FAM171A1: variants seen among roughly 807,000 people sequenced by gnomAD.
FAM171A1 encodes family with sequence similarity 171 member A1, also known as protein FAM171A1.
A neutral mutation model predicts 74.9 loss-of-function variants in FAM171A1; 23 were observed. The observed-to-expected ratio is 0.31, with a 90% CI of 0.22 to 0.44. The LOEUF is 0.44. Among genes scored for constraint, FAM171A1 ranks in the 20% least tolerant of loss-of-function variants. The probability of loss-of-function intolerance (pLI) is 1.00; values close to 1 mark genes in which losing one functional copy is unlikely to be tolerated. For synonymous variants in FAM171A1, 527 were observed against 505.7 expected (o/e 1.04, Z -0.57); for missense variants, 1,162 against 1,159.2 (o/e 1.00, Z -0.03).
intron 1 of FAM171A1, among the ~76,000 whole-genome samples, chr10:15,346,488 C>T (rs1045776200): frequency 6.6e-6 from 1 of 152,252 alleles, no homozygotes; most frequent in Non-Finnish European, 1.5e-5. Context: ...ATACAGCTCC[C>T]GAATGAAAGC....
In FAM171A1 at chr10:15,365,496, C is replaced by T. The variant is rs114883806; in HGVS notation, c.97+5460G>A. 1.6e-3 allele frequency among the ~76,000 whole-genome samples: 242 copies of T among 152,284 alleles called. 2 individuals carry two copies. Among genetic ancestry groups the T allele is most frequent in the African/African-American group, 5.6e-3 (234 of 41,572 alleles). ...AAATGAAAGGAAGAAAAGGACTGGG[C>T]ATGGTGGCTCCCACCTGTAATCCCA... On this transcript the variant is annotated intron_variant, in intron 1 of 7. Coordinates refer to ENST00000378116, the MANE Select transcript of FAM171A1 (RefSeq NM_001010924.2).
chr10:15,252,759 C>T (rs1834526022), intron 4 of FAM171A1, among the ~76,000 whole-genome samples: 1 of 152,206 alleles, frequency 6.6e-6, no homozygotes, highest in Admixed American at 6.5e-5. Flanking sequence ...CCTCTCTTCC[C>T]TTTGAAATCA....
intron 3 of FAM171A1, among the ~76,000 whole-genome samples, chr10:15,266,915 C>T (rs1056488389): frequency 5.3e-5 from 8 of 151,526 alleles, no homozygotes; most frequent in South Asian, 2.1e-4. Flanking sequence ...GGCCATATCC[C>T]GGAGGCCAGG....
rs151163427 is a variant in FAM171A1, at chr10:15,248,661, C to T, written c.732G>A (p.Ala244=). 255 of 1,609,786 alleles carry T rather than the reference C, an allele frequency of 1.6e-4. No homozygotes were observed. Among genetic ancestry groups the T allele is most frequent in the Non-Finnish European group, 1.8e-4 (215 of 1,178,042 alleles). ...TACCCAGCTTCTGGTCAAACCGCCA[C>T]GCCGCGACATAGGCATTGTGCCTCA... is the stretch of plus-strand genomic sequence containing the variant. ...SSLRHNAYVA[A]WRFDQKLGTW... The change falls in exon 5 of 8, where the codon GCG becomes GCA. Residue 244 remains alanine, a synonymous_variant. Transcript: ENST00000378116.
chr10:15,352,083 A>AG (rs987846411), intron 1 of FAM171A1, among the ~76,000 whole-genome samples: 1 of 147,002 alleles, frequency 6.8e-6, no homozygotes, highest in Non-Finnish European at 1.5e-5. Flanking sequence ...AAATACAAAA[A>AG]AAAAAAATTA....
At chr10:15,240,721 T>C (rs920115013) in intron 5 of FAM171A1, 189 of 985,126 alleles carry the variant, frequency 1.9e-4, no homozygotes, top group Non-Finnish European at 2.3e-4. Flanking sequence ...AGTTAAAACA[T>C]GGATATACTG....
At chr10:15,368,979 T>G (rs1836099675) in intron 1 of FAM171A1, among the ~76,000 whole-genome samples, 1 of 152,118 alleles carries the variant, frequency 6.6e-6, no homozygotes, top group South Asian at 2.1e-4. Context: ...AAGCCATCCT[T>G]ACAGTAGATA....
At chr10:15,366,717 A>G (rs1469215347) in intron 1 of FAM171A1, among the ~76,000 whole-genome samples, 1 of 152,208 alleles carries the variant, frequency 6.6e-6, no homozygotes, top group African/African-American at 2.4e-5. Context: ...TCTTCATGAT[A>G]CAGCATTATA....
intron 1 of FAM171A1, among the ~76,000 whole-genome samples, chr10:15,310,008 C>T (rs982393910): frequency 6.6e-6 from 1 of 152,136 alleles, no homozygotes; most frequent in African/African-American, 2.4e-5. Context: ...TACAAGTTGT[C>T]TTTGGGTGTA....
intron 5 of FAM171A1, among the ~76,000 whole-genome samples, chr10:15,229,888 C>A (rs1412325576): frequency 1.3e-5 from 1 of 76,080 alleles, no homozygotes; most frequent in Non-Finnish European, 2.8e-5. Flanking sequence ...ACCATCACCA[C>A]CATCACCATC....
In FAM171A1 at chr10:15,327,235, AC is replaced by A. The variant is rs759864215; in HGVS notation, c.98-43131del. ...AAGCTTGAGCAAGAGCAAGCTGCCTACCCCCTAGGCCACTCACCTCATAGAT... is the reference window on the plus strand; with the variant it reads ...AAGCTTGAGCAAGAGCAAGCTGCCTACCCCTAGGCCACTCACCTCATAGAT... On this transcript the variant is annotated intron_variant, in intron 1 of 7. Transcript: ENST00000378116. Among the ~76,000 whole-genome samples, 39 of 152,146 alleles carry A rather than the reference AC, an allele frequency of 2.6e-4. No individual in the cohort carries two copies. The Middle Eastern group carries it at 0.01, about 40-fold the overall frequency.
chr10:15,353,827 C>A (rs1288183934), intron 1 of FAM171A1, among the ~76,000 whole-genome samples: 1 of 152,044 alleles, frequency 6.6e-6, no homozygotes, highest in Non-Finnish European at 1.5e-5. Context: ...GGAGAAAAAA[C>A]AAGAGGGAAG....
chr10:15,248,501 A>T, intron 5 of FAM171A1, 138 bp downstream of exon 5: 3 of 864,312 alleles, frequency 3.5e-6, no homozygotes, highest in Non-Finnish European at 5.0e-6. Context: ...CGTCCCCATG[A>T]GAAACCACAC....
rs149536092 is a variant in FAM171A1, at chr10:15,291,096, T to C, written c.98-6991A>G. 1.9e-3 allele frequency among the ~76,000 whole-genome samples: 286 copies of C among 152,294 alleles called. 1 individual carries two copies. Among genetic ancestry groups the C allele is most frequent in the Non-Finnish European group, 3.4e-3 (231 of 68,028 alleles). On this transcript the variant is annotated intron_variant, in intron 1 of 7. Coordinates refer to ENST00000378116, the MANE Select transcript of FAM171A1 (RefSeq NM_001010924.2). ...GACTTCTGGGCTCAGGCGATCCTCCTGCCTCAACCTCCCAAAGTGATGGGA... is the reference window on the plus strand; with the variant it reads ...GACTTCTGGGCTCAGGCGATCCTCCCGCCTCAACCTCCCAAAGTGATGGGA...
At chr10:15,358,846 T>A (rs1213900191) in intron 1 of FAM171A1, among the ~76,000 whole-genome samples, 1 of 152,210 alleles carries the variant, frequency 6.6e-6, no homozygotes, top group African/African-American at 2.4e-5. Context: ...GCTATGAGGA[T>A]CAACATTGTG....
At position 15,214,621 on chromosome 10, in the gene FAM171A1, C is replaced by T; in HGVS notation, c.987-20G>A. On this transcript the variant is annotated intron_variant, in intron 7 of 7. Transcript: ENST00000378116. The stretch of plus-strand genomic sequence containing the variant: ...TTCCTCCTGCGCCCAAAGACACAAT[C>T]CAAAGCCAAAGATTAGTGATTCTCA... 1 of 1,538,086 alleles carries T rather than the reference C, an allele frequency of 6.5e-7. No individual in the cohort carries two copies. The highest frequency in any genetic ancestry group is 8.7e-7 in the Non-Finnish European group (1 of 1,145,972).
intron 5 of FAM171A1, among the ~76,000 whole-genome samples, chr10:15,224,828 C>A (rs1290166920): frequency 6.6e-6 from 1 of 152,156 alleles, no homozygotes; most frequent in East Asian, 1.9e-4. Context: ...AGCGTGAAAA[C>A]AGACTAATAC....
At chr10:15,288,372 A>T (rs933246332) in intron 1 of FAM171A1, among the ~76,000 whole-genome samples, 1 of 151,732 alleles carries the variant, frequency 6.6e-6, no homozygotes, top group Non-Finnish European at 1.5e-5. Context: ...TAAGTTTTTT[A>T]GTGGTGATTT....
chr10:15,355,326 C>T (rs2131883851), intron 1 of FAM171A1, among the ~76,000 whole-genome samples: 1 of 152,332 alleles, frequency 6.6e-6, no homozygotes, highest in Admixed American at 6.5e-5. Flanking sequence ...TCGCCCACTT[C>T]AGCCTCCCAA....
Sources: gnomAD v4.1 joint callset for allele counts (sites outside exome capture counted in the v4.1 genomes callset) on GRCh38, gnomAD v4.1.1 for gene constraint, MANE v1.5 for transcripts, NCBI Gene and HGNC (gene_info 2026-07-23, HGNC 2026-07-21) for gene names.